MFN1: variants seen among roughly 807,000 people sequenced by gnomAD.
MFN1 encodes mitofusin-1.
A neutral mutation model predicts 92.4 loss-of-function variants in MFN1; 65 were observed. The observed-to-expected ratio is 0.70, with a 90% CI of 0.58 to 0.86. MFN1 has a LOEUF of 0.86. Among genes scored for constraint, MFN1 ranks in the 40% least tolerant of loss-of-function variants. The pLI is 0.00. For missense variants in MFN1, 781 were observed against 868.0 expected (o/e 0.90, Z 1.26); for synonymous variants, 297 against 300.9 (o/e 0.99, Z 0.13).
rs533554830 is a variant in MFN1, at chr3:179,392,998, T to G, written c.*939T>G. On this transcript the variant is annotated 3_prime_UTR_variant, in exon 18 of 18. Transcript: ENST00000471841. ...TTTGGGTTCAAATATCTTTCTATAT[T>G]AAAAGCTGATTGAGTCTGTACATAT... 5.3e-5 allele frequency: 8 copies of G among 152,244 alleles called. No homozygotes were observed. Among genetic ancestry groups the G allele is most frequent in the Non-Finnish European group, 1.0e-4 (7 of 68,040 alleles). The allele number at this position is 152,244 out of a possible 1,614,324, so 9.4% of individuals were successfully genotyped here.
At chr3:179,365,829 ATAT>A (rs1203016514) in intron 7 of MFN1, among the ~76,000 whole-genome samples, 6 of 152,302 alleles carry the variant, frequency 3.9e-5, no homozygotes, top group African/African-American at 1.4e-4. Context: ...ATATGTGTCC[ATAT>A]TATTGTGCGT....
At chr3:179,360,430 T>G (rs1453442534) in intron 4 of MFN1, among the ~76,000 whole-genome samples, 1 of 152,164 alleles carries the variant, frequency 6.6e-6, no homozygotes, top group Non-Finnish European at 1.5e-5. Context: ...AGAAACTGTC[T>G]TACCTCAGGA....
At chr3:179,373,507 CAG>C (rs1401750755) in intron 9 of MFN1, among the ~76,000 whole-genome samples, 1 of 151,990 alleles carries the variant, frequency 6.6e-6, no homozygotes, top group Non-Finnish European at 1.5e-5. Context: ...ATTGGAGTAT[CAG>C]AGAATTAATA....
In MFN1 at chr3:179,377,422, C is replaced by G; in HGVS notation, c.1303C>G (p.Pro435Ala). The G allele has an allele frequency of 6.3e-7, 1 of 1,594,904 alleles. No individual in the cohort carries two copies. The highest frequency in any genetic ancestry group is 8.6e-7 in the Non-Finnish European group (1 of 1,167,294). ...ATTTTGTTCAGAGTTTCATCCTAAT[C>G]CAGATGTATTAAAAATATATAAAAG... ...DEFCSEFHPN[P>A]DVLKIYKSEL... The change falls in exon 12 of 18, where the codon CCA becomes GCA. Residue 435 changes from proline to alanine, a missense_variant. Transcript: ENST00000471841.
rs566375107 is a variant in MFN1 at position 179,381,968 on chromosome 3, T to C, written c.1662+3154T>C. Reference sequence around the variant, plus strand: ...AGCTTATCCTAAAGCTTTCGTCCAATACTGTTGCAGGTGGTGCTACATTCA... The same window carrying C: ...AGCTTATCCTAAAGCTTTCGTCCAACACTGTTGCAGGTGGTGCTACATTCA... On this transcript the variant is annotated intron_variant, in intron 14 of 17. Transcript: ENST00000471841. 1.7e-4 allele frequency among the ~76,000 whole-genome samples: 26 copies of C among 152,360 alleles called. No individual in the cohort carries two copies. The East Asian group carries it at 5.0e-3, about 29-fold the overall frequency.
Position 179,393,789 on chromosome 3 carries a change from T to TAATA in MFN1, c.*1731_*1734dup, listed in dbSNP as rs1316144884. ...GAAAGTACTTAAGCTTGAAAGTTCA[T>TAATA]AATAGTTTGGTATCACCTCATTAGT... On this transcript the variant is annotated 3_prime_UTR_variant, in exon 18 of 18. Coordinates refer to ENST00000471841, the MANE Select transcript of MFN1 (RefSeq NM_033540.3). 6.6e-6 allele frequency: 1 copy of TAATA among 152,214 alleles called. No individual in the cohort carries two copies. The highest frequency in any genetic ancestry group is 1.5e-5 in the Non-Finnish European group (1 of 68,032). 9.4% of individuals were successfully genotyped at this position (152,214 alleles called of 1,614,324 possible).
At chr3:179,358,041 C>CT (rs1185409716) in intron 3 of MFN1, among the ~76,000 whole-genome samples, 3 of 151,694 alleles carry the variant, frequency 2.0e-5, no homozygotes, top group Admixed American at 2.0e-4. Context: ...GGTAAGTGGA[C>CT]TTTTTACATG....
chr3:179,378,480 T>G (rs779310295), intron 13 of MFN1, 37 bp downstream of exon 13: 1 of 1,552,268 alleles, frequency 6.4e-7, no homozygotes, highest in Non-Finnish European at 8.7e-7. Context: ...TCTGGTTTGT[T>G]TTTTCATTCA....
Position 179,348,835 on chromosome 3 carries a change from C to A in MFN1, c.-7-10C>A, listed in dbSNP as rs749752882. The A allele has an allele frequency of 9.3e-6, 15 of 1,605,050 alleles. No individual in the cohort carries two copies. The East Asian group carries it at 3.1e-4, about 33-fold the overall frequency. Reference sequence around the variant, plus strand: ...TTAGTTGGTGCTTTTCTAACTTTATCTCCCTCTAGTAGCATAATGGCAGAA... The same window carrying A: ...TTAGTTGGTGCTTTTCTAACTTTATATCCCTCTAGTAGCATAATGGCAGAA... On this transcript the variant is annotated splice_polypyrimidine_tract_variant and intron_variant, in intron 1 of 17. Coordinates refer to ENST00000471841, the MANE Select transcript of MFN1 (RefSeq NM_033540.3).
intron 3 of MFN1, 84 bp from the exon 4 acceptor site, chr3:179,358,756 T>C (rs941856362): frequency 1.1e-5 from 15 of 1,422,330 alleles, no homozygotes; most frequent in African/African-American, 1.4e-5. Flanking sequence ...ATTTGGATTT[T>C]AAAAAAGTTG....
rs113894917 is a variant in MFN1, at chr3:179,392,312, A to T, written c.*253A>T. On this transcript the variant is annotated 3_prime_UTR_variant, in exon 18 of 18. Transcript: ENST00000471841. Reference sequence around the variant, plus strand: ...TAGTTACAAGCAACAGTACCAACTTATGTGACCCCTGAGGGGTGGGGCTGT... The same window carrying T: ...TAGTTACAAGCAACAGTACCAACTTTTGTGACCCCTGAGGGGTGGGGCTGT... 3.0e-5 allele frequency: 9 copies of T among 295,742 alleles called. No individual in the cohort carries two copies. Among genetic ancestry groups the T allele is most frequent in the African/African-American group, 1.7e-4 (8 of 46,252 alleles). 18.3% of individuals were successfully genotyped at this position (295,742 alleles called of 1,614,324 possible).
rs1368500397 is a variant in MFN1 at position 179,385,591 on chromosome 3, C to T, written c.1685C>T (p.Thr562Ile). Residue 562 changes from threonine to isoleucine, a missense_variant, in exon 15 of 18, where the codon ACT (threonine) becomes ATT (isoleucine). Coordinates refer to ENST00000471841, the MANE Select transcript of MFN1 (RefSeq NM_033540.3). ...CAGCTCCCTAGATCTTTAGCTTCTA[C>T]TCCCACTGCTCCTACCACTCCAGCA... ...IFQLPRSLAS[T>I]PTAPTTPATP... The T allele has an allele frequency of 1.2e-6, 2 of 1,607,184 alleles. No homozygotes were observed. Among genetic ancestry groups the T allele is most frequent in the African/African-American group, 2.7e-5 (2 of 73,974 alleles).
chr3:179,381,614 A>G (rs901228861), intron 14 of MFN1, among the ~76,000 whole-genome samples: 1 of 152,268 alleles, frequency 6.6e-6, no homozygotes, highest in Admixed American at 6.5e-5. Flanking sequence ...ATGTAAATTC[A>G]ATCAAGAATG....
chr3:179,350,840 C>G (rs1368342310), intron 2 of MFN1, among the ~76,000 whole-genome samples: 1 of 152,090 alleles, frequency 6.6e-6, no homozygotes, highest in Non-Finnish European at 1.5e-5. Context: ...TTCAGATAGC[C>G]AGATGAATCT....
At chr3:179,388,199 G>A (rs1477630729) in intron 16 of MFN1, among the ~76,000 whole-genome samples, 2 of 152,048 alleles carry the variant, frequency 1.3e-5, no homozygotes, top group African/African-American at 4.8e-5. Flanking sequence ...AGATCTTTGT[G>A]GTTTCTTAAT....
chr3:179,393,615 T>C lies in MFN1; in HGVS notation c.*1556T>C, dbSNP rs1318452919. 1 of 152,172 alleles carries C rather than the reference T, an allele frequency of 6.6e-6. No homozygotes were observed. The highest frequency in any genetic ancestry group is 1.9e-4 in the East Asian group (1 of 5,204). The allele number at this position is 152,172 out of a possible 1,614,324, so 9.4% of individuals were successfully genotyped here. ...GTATACTAATGCAAATTAATTTTGG[T>C]GTTTAGCTTTTATTGCTCATTTATA... On this transcript the variant is annotated 3_prime_UTR_variant, in exon 18 of 18. Transcript: ENST00000471841.
At position 179,358,826 on chromosome 3, in the gene MFN1, T is replaced by C; in HGVS notation, c.249-14T>C. 2 of 1,600,748 alleles carry C rather than the reference T, an allele frequency of 1.2e-6. No homozygotes were observed. Among genetic ancestry groups the C allele is most frequent in the Admixed American group, 3.5e-5 (2 of 57,696 alleles). ...TGTTATGTTTTGTTTTTCATGATTT[T>C]GTATATTCTTCAGGACAAGCAGTGG... On this transcript the variant is annotated splice_polypyrimidine_tract_variant and intron_variant, in intron 3 of 17. Coordinates refer to ENST00000471841, the MANE Select transcript of MFN1 (RefSeq NM_033540.3).
At chr3:179,349,738 G>A (rs549940916) in intron 2 of MFN1, among the ~76,000 whole-genome samples, 1 of 151,978 alleles carries the variant, frequency 6.6e-6, no homozygotes, top group Non-Finnish European at 1.5e-5. Flanking sequence ...TCGAACTCCT[G>A]ACCCCATGAT....
At chr3:179,381,582 A>G (rs1713468886) in intron 14 of MFN1, among the ~76,000 whole-genome samples, 1 of 152,242 alleles carries the variant, frequency 6.6e-6, no homozygotes, top group Admixed American at 6.5e-5. Context: ...TCCGTGTAAG[A>G]AAATGATTGC....
Sources: allele counts gnomAD v4.1 joint callset (sites outside exome capture counted in the v4.1 genomes callset), GRCh38; gene constraint gnomAD v4.1.1; transcripts MANE v1.5; gene names NCBI Gene and HGNC (gene_info 2026-07-23, HGNC 2026-07-21).